The following POLN variants were observed in gnomAD, a reference collection of about 807,000 sequenced individuals.
The protein encoded by POLN is DNA polymerase nu, also known as DNA polymerase N.
Under a neutral mutation model 113.5 loss-of-function variants are expected in POLN, and 108 were observed. The ratio of observed to expected loss-of-function variants is 0.95; its 90% confidence interval spans 0.81 to 1.12. The LOEUF (loss-of-function observed/expected upper bound fraction) is 1.12, where lower values mean the gene tolerates loss of function less well. Among genes scored for constraint, POLN ranks in the 50% most tolerant of loss-of-function variants. POLN has a pLI of 0.00. For synonymous variants in POLN, 386 were observed against 391.5 expected (o/e 0.99, Z 0.17); for missense variants, 1,097 against 1,077.1 (o/e 1.02, Z -0.26).
chr4:2,181,625 T>C (rs1439181716), intron 7 of POLN, among the ~76,000 whole-genome samples: 1 of 151,902 alleles, frequency 6.6e-6, no homozygotes, highest in Non-Finnish European at 1.5e-5. Context: ...AGATTCAACA[T>C]ATGAAATAGG....
chr4:2,151,482 A>T (rs1030885388), intron 16 of POLN, among the ~76,000 whole-genome samples: 1 of 152,250 alleles, frequency 6.6e-6, no homozygotes, highest in African/African-American at 2.4e-5. Context: ...GAGAAAAAAA[A>T]GTATCTATCC....
intron 5 of POLN, among the ~76,000 whole-genome samples, chr4:2,202,417 T>C (rs1733739917): frequency 6.6e-6 from 1 of 151,972 alleles, no homozygotes; most frequent in Non-Finnish European, 1.5e-5. Context: ...AAACAAACTT[T>C]AAAGCAACAG....
intron 21 of POLN, chr4:2,082,727 G>A (rs1005469642): frequency 6.6e-6 from 1 of 152,200 alleles, no homozygotes; most frequent in African/African-American, 2.4e-5. Context: ...CTGGCAGTGA[G>A]GACACGAGAG....
At chr4:2,209,013 A>G (rs940940507) in intron 4 of POLN, among the ~76,000 whole-genome samples, 5 of 151,854 alleles carry the variant, frequency 3.3e-5, no homozygotes, top group Non-Finnish European at 1.5e-5. Context: ...AAAGCCTCCA[A>G]CTGGCCCCTG....
chr4:2,165,687 C>T (rs1261783979), intron 13 of POLN, among the ~76,000 whole-genome samples: 5 of 152,126 alleles, frequency 3.3e-5, no homozygotes, highest in Non-Finnish European at 7.4e-5. Context: ...GGAGCCTGTA[C>T]ATGTGTGTAC....
chr4:2,122,381 AG>A (rs1342979546), intron 19 of POLN, among the ~76,000 whole-genome samples: 1 of 152,166 alleles, frequency 6.6e-6, no homozygotes, highest in African/African-American at 2.4e-5. Flanking sequence ...TTCTGGGAGG[AG>A]GGACACAGAG....
chr4:2,142,042 T>C (rs1732015754), intron 16 of POLN, among the ~76,000 whole-genome samples: 2 of 152,216 alleles, frequency 1.3e-5, no homozygotes, highest in South Asian at 4.1e-4. Flanking sequence ...CTCTCCCTCC[T>C]GTGAAGTGGG....
intron 20 of POLN, among the ~76,000 whole-genome samples, chr4:2,094,409 C>A (rs1403445364): frequency 2.7e-5 from 4 of 150,568 alleles, no homozygotes; most frequent in African/African-American, 9.8e-5. Context: ...AAAGTGGATC[C>A]TTCCCCAGTC....
At chr4:2,209,940 G>A (rs528420340) in intron 4 of POLN, among the ~76,000 whole-genome samples, 31 of 149,524 alleles carry the variant, frequency 2.1e-4, no homozygotes, top group Non-Finnish European at 3.8e-4. Context: ...GGGATTACAG[G>A]TGTGAGCCAA....
intron 14 of POLN, 135 bp from the exon 15 acceptor site, chr4:2,158,046 G>A (rs1015332525): frequency 4.1e-6 from 2 of 491,726 alleles, no homozygotes; most frequent in Non-Finnish European, 7.3e-6. Flanking sequence ...CTGCCTCCTG[G>A]GGTCAAGTGA....
intron 13 of POLN, among the ~76,000 whole-genome samples, chr4:2,162,476 T>C (rs62285177): frequency 0.08 from 12,191 of 152,242 alleles, 716 homozygotes; most frequent in African/African-American, 0.16. Context: ...GCTTCATTCT[T>C]GAAGTCAGTG....
intron 16 of POLN, among the ~76,000 whole-genome samples, chr4:2,133,622 T>A (rs963512763): frequency 2.6e-5 from 4 of 152,204 alleles, no homozygotes; most frequent in Non-Finnish European, 5.9e-5. Context: ...GTAGCAGAAT[T>A]GTTCACCTGT....
chr4:2,165,843 C>G (rs980028416), intron 13 of POLN, among the ~76,000 whole-genome samples: 5 of 151,960 alleles, frequency 3.3e-5, no homozygotes, highest in African/African-American at 1.2e-4. Flanking sequence ...GTGGTATAAT[C>G]ACTGCTCAGT....
intron 13 of POLN, among the ~76,000 whole-genome samples, chr4:2,163,535 G>A (rs1007549437): frequency 6.6e-6 from 1 of 152,226 alleles, no homozygotes; most frequent in Non-Finnish European, 1.5e-5. Flanking sequence ...CACCACATTC[G>A]TCTGACCTCC....
At chr4:2,212,981 C>CT in intron 4 of POLN, 66 bp downstream of exon 4, 3 of 1,154,718 alleles carry the variant, frequency 2.6e-6, no homozygotes, top group Non-Finnish European at 3.7e-6. Context: ...CAGTAGAACA[C>CT]TTAATAAGCA....
At chr4:2,092,793 C>T (rs755110112) in intron 20 of POLN, among the ~76,000 whole-genome samples, 37 of 152,252 alleles carry the variant, frequency 2.4e-4, no homozygotes, top group Non-Finnish European at 4.1e-4. Flanking sequence ...CAAAGCTCCT[C>T]TATGGAGTTT....
chr4:2,157,108 C>A (rs940654628), intron 15 of POLN, among the ~76,000 whole-genome samples: 1 of 152,290 alleles, frequency 6.6e-6, no homozygotes, highest in East Asian at 1.9e-4. Flanking sequence ...ACTTACAAAT[C>A]CCATGCATGG....
intron 9 of POLN, among the ~76,000 whole-genome samples, chr4:2,175,156 G>A (rs1232029534): frequency 6.6e-6 from 1 of 152,058 alleles, no homozygotes; most frequent in African/African-American, 2.4e-5. Context: ...CTAGAATTAA[G>A]GTGACCCCTA....
chr4:2,215,092 TG>T (rs1271960267), intron 3 of POLN, among the ~76,000 whole-genome samples: 1 of 152,086 alleles, frequency 6.6e-6, no homozygotes, highest in African/African-American at 2.4e-5. Flanking sequence ...TAAACCAAAA[TG>T]TTTATAGCAG....
Sources: gnomAD v4.1 joint callset for allele counts (sites outside exome capture counted in the v4.1 genomes callset) on GRCh38, gnomAD v4.1.1 for gene constraint, MANE v1.5 for transcripts, NCBI Gene and HGNC (gene_info 2026-07-23, HGNC 2026-07-21) for gene names.